Variants in URB2 observed in about 807,000 individuals in gnomAD.
URB2 encodes unhealthy ribosome biogenesis protein 2 homolog.
A neutral mutation model predicts 120.9 loss-of-function variants in URB2; 86 were observed. The ratio of observed to expected loss-of-function variants is 0.71; its 90% CI spans 0.60 to 0.85. URB2 has a LOEUF of 0.85. Ranked by LOEUF, URB2 falls within the 40% of genes least tolerant of loss-of-function variation. The probability of loss-of-function intolerance (pLI) is 0.00; values close to 1 mark genes in which losing one functional copy is unlikely to be tolerated. For synonymous variants in URB2, 755 were observed against 758.4 expected, an observed-to-expected ratio of 1.00 and a Z score of 0.07; for missense variants, 1,765 against 1,836.5, an observed-to-expected ratio of 0.96 and a Z score of 0.71.
At chr1:229,643,064 CCATT>C (rs1666051796) in intron 4 of URB2, among the ~76,000 whole-genome samples, 1 of 152,140 alleles carries the variant, frequency 6.6e-6, no homozygotes, top group Non-Finnish European at 1.5e-5. Context: ...AATGTATTTG[CCATT>C]CATTAAGTGA....
At position 229,637,166 on chromosome 1, in the gene URB2, T is replaced by C; in HGVS notation, c.2553T>C (p.His851=). The C allele has an allele frequency of 1.9e-6, 3 of 1,613,804 alleles. No homozygotes were observed. The highest frequency in any genetic ancestry group is 2.5e-6 in the Non-Finnish European group (3 of 1,179,788). Reference sequence around the variant, plus strand: ...AAAAGGACCACATGGTTGTGGGTCATTGGGAAAACAGATTTGCAAAAGCTG... The same window carrying C: ...AAAAGGACCACATGGTTGTGGGTCACTGGGAAAACAGATTTGCAAAAGCTG... ...LFEKDHMVVG[H]WENRFAKAGP... is the part of the protein sequence containing the mutation. The change falls in exon 4 of 10, where the codon CAT becomes CAC. Residue 851 remains histidine, a synonymous_variant. Coordinates refer to ENST00000258243, the MANE Select transcript of URB2 (RefSeq NM_014777.4).
At chr1:229,631,549 C>T (rs140594257) in intron 2 of URB2, among the ~76,000 whole-genome samples, 1 of 152,304 alleles carries the variant, frequency 6.6e-6, no homozygotes, top group East Asian at 1.9e-4. Context: ...TCCACTTGAA[C>T]ACCTGGAGGC....
rs1011477537 is a variant in URB2, at chr1:229,647,657, A to G, written c.4054A>G (p.Thr1352Ala). The change falls in exon 7 of 10, where the codon ACT becomes GCT. Residue 1352 changes from threonine to alanine, a missense_variant. Transcript: ENST00000258243. ...HVSLAFSILL[T>A]VPLDHLKPLE... is the part of the protein sequence containing the mutation. ...CAGCCTGGCCTTCAGCATCCTTCTC[A>G]CTGTCCCTTTGGACCATCTGAAGCC... 2 of 1,613,962 alleles carry G rather than the reference A, an allele frequency of 1.2e-6. No homozygotes were observed. Among genetic ancestry groups the G allele is most frequent in the Non-Finnish European group, 1.7e-6 (2 of 1,180,024 alleles).
At chr1:229,655,124 C>T (rs978985691) in intron 9 of URB2, among the ~76,000 whole-genome samples, 3 of 152,178 alleles carry the variant, frequency 2.0e-5, no homozygotes, top group African/African-American at 7.2e-5. Flanking sequence ...AAGTCGATGA[C>T]AAGGTGGAGA....
rs1409172213 is a variant in URB2 at position 229,659,194 on chromosome 1, C to T, written c.4472C>T (p.Ala1491Val). ...GAGCCTGACGTCCAGTTCCTGCGGG[C>T]CTCGCTGCAGCCGGGAATGAGAGAC... is the stretch of plus-strand genomic sequence containing the variant. ...CIEPDVQFLR[A>V]SLQPGMRDIF... Residue 1491 changes from alanine (A) to valine (V), a missense_variant, in exon 10 of 10, where the codon GCC becomes GTC. Physicochemically the swap from Ala to Val is moderately conservative, Grantham distance 64. Coordinates refer to ENST00000258243, the MANE Select transcript of URB2 (RefSeq NM_014777.4). 1.2e-6 allele frequency: 2 copies of T among 1,613,862 alleles called. No individual in the cohort carries two copies. Among genetic ancestry groups the T allele is most frequent in the Non-Finnish European group, 1.7e-6 (2 of 1,180,032 alleles).
chr1:229,629,609 T>C (rs896078568), intron 2 of URB2, among the ~76,000 whole-genome samples: 2 of 152,176 alleles, frequency 1.3e-5, no homozygotes, highest in African/African-American at 4.8e-5. Context: ...AAAATGCTAG[T>C]GGTTATTGGT....
intron 8 of URB2, among the ~76,000 whole-genome samples, chr1:229,652,379 G>A (rs1454275430): frequency 2.6e-5 from 4 of 152,100 alleles, no homozygotes; most frequent in South Asian, 2.1e-4. Flanking sequence ...GTTGTGGGCC[G>A]ACTGGAAATA....
intron 9 of URB2, among the ~76,000 whole-genome samples, chr1:229,655,609 A>G (rs1666388634): frequency 6.6e-6 from 1 of 152,216 alleles, no homozygotes; most frequent in African/African-American, 2.4e-5. Flanking sequence ...GACCCATAGT[A>G]AGTTCACTAC....
chr1:229,656,244 A>T (rs1164419697), intron 9 of URB2, among the ~76,000 whole-genome samples: 1 of 152,212 alleles, frequency 6.6e-6, no homozygotes, highest in South Asian at 2.1e-4. Flanking sequence ...TTTCTGTCTT[A>T]CTGAATAATA....
At chr1:229,638,645 C>CAA (rs79757347) in intron 4 of URB2, among the ~76,000 whole-genome samples, 9 of 135,942 alleles carry the variant, frequency 6.6e-5, no homozygotes, top group African/African-American at 1.3e-4. Context: ...GAGTCTGTCT[C>CAA]AAAAAAAAAA....
chr1:229,637,442 G>A lies in URB2; in HGVS notation c.2829G>A (p.Thr943=), dbSNP rs764946024. ...CCTCACTGGCTCTCAAGTTCTTGAC[G>A]ACTTGCTACCAACTTCTTGGTTACT... is the stretch of plus-strand genomic sequence containing the variant. The part of the protein sequence containing the change: ...CSSSLALKFL[T]TCYQLLGYLQ... The change falls in exon 4 of 10, where the codon ACG becomes ACA. Residue 943 remains threonine (T), a synonymous_variant. Coordinates refer to ENST00000258243, the MANE Select transcript of URB2 (RefSeq NM_014777.4). The A allele has an allele frequency of 2.7e-5, 44 of 1,614,008 alleles. No homozygotes were observed. Among genetic ancestry groups the A allele is most frequent in the Admixed American group, 5.0e-5 (3 of 60,012 alleles).
intron 8 of URB2, among the ~76,000 whole-genome samples, chr1:229,652,333 T>C (rs1666299387): frequency 6.6e-6 from 1 of 152,176 alleles, no homozygotes; most frequent in African/African-American, 2.4e-5. Context: ...GGACCATAAC[T>C]CAACTCGGGG....
chr1:229,635,080 C>G lies in URB2; in HGVS notation c.467C>G (p.Ser156Trp). Residue 156 changes from serine (S) to tryptophan (W), a missense_variant, in exon 4 of 10, where the codon TCG becomes TGG. By Grantham distance (177) the Ser-to-Trp change is radical. Coordinates refer to ENST00000258243, the MANE Select transcript of URB2 (RefSeq NM_014777.4). ...GCCTTGCTGAGCCAGCTTTGCTGGT[C>G]GGCCTGCAGGCAGCCCGAAGGAGCT... ...MVALLSQLCW[S>W]ACRQPEGAVV... The G allele has an allele frequency of 3.1e-6, 5 of 1,613,954 alleles. No homozygotes were observed. Among genetic ancestry groups the G allele is most frequent in the Middle Eastern group, 1.6e-4 (1 of 6,062 alleles).
chr1:229,655,514 G>A (rs1460696851), intron 9 of URB2, among the ~76,000 whole-genome samples: 1 of 152,204 alleles, frequency 6.6e-6, no homozygotes. Context: ...GATTACAGGT[G>A]TGAGCCACCG....
intron 4 of URB2, among the ~76,000 whole-genome samples, chr1:229,639,362 TCTCA>T (rs1665945323): frequency 7.1e-6 from 1 of 140,430 alleles, no homozygotes; most frequent in Non-Finnish European, 1.5e-5. Flanking sequence ...TGAGATGGAG[TCTCA>T]CTCTGTCTAC....
intron 5 of URB2, among the ~76,000 whole-genome samples, chr1:229,645,633 G>T (rs147536659): frequency 6.6e-6 from 1 of 152,238 alleles, no homozygotes; most frequent in Non-Finnish European, 1.5e-5. Context: ...CCCTGACTTT[G>T]CCCCAGCTCT....
At chr1:229,647,418 C>G (rs1666170413) in intron 6 of URB2, 92 bp from the exon 7 acceptor site, 1 of 1,474,874 alleles carries the variant, frequency 6.8e-7, no homozygotes, top group African/African-American at 1.4e-5. Context: ...GGAGCACAGA[C>G]ATTTCTACCT....
At position 229,638,232 on chromosome 1, in the gene URB2, A is replaced by C. The variant is rs1387663267; in HGVS notation, c.3619A>C (p.Arg1207=). ...GTTTACCTCCATGTTTCATTCTGTG[A>C]GAAGAGTTCTTGCAGGTAAGATATT... ...SVFTSMFHSV[R]RVLADPEIPV... The change falls in exon 4 of 10, where the codon AGA becomes CGA. Residue 1207 remains arginine (R), a synonymous_variant. Coordinates refer to ENST00000258243, the MANE Select transcript of URB2 (RefSeq NM_014777.4). 6.2e-7 allele frequency: 1 copy of C among 1,603,412 alleles called. No homozygotes were observed. The highest frequency in any genetic ancestry group is 8.5e-7 in the Non-Finnish European group (1 of 1,174,552).
rs373824125 is a variant in URB2, at chr1:229,647,800, G to A, written c.4149+48G>A. On this transcript the variant is annotated intron_variant, in intron 7 of 9. Transcript: ENST00000258243. ...CAGGCAGCTTTTCCTCTGCGAGCAG[G>A]GTACTTGAAGTCTGTAGAAAAGTGG... The A allele has an allele frequency of 1.4e-4, 216 of 1,582,074 alleles. No homozygotes were observed. In the African/African-American group the frequency reaches 2.7e-3, roughly 20 times the overall value.
Sources: gnomAD v4.1 joint callset for allele counts (sites outside exome capture counted in the v4.1 genomes callset) on GRCh38, gnomAD v4.1.1 for gene constraint, MANE v1.5 for transcripts, NCBI Gene and HGNC (gene_info 2026-07-23, HGNC 2026-07-21) for gene names.